The following ATF7IP variants were observed in gnomAD, a reference collection of about 807,000 sequenced individuals.
ATF7IP encodes the protein activating transcription factor 7 interacting protein, also known as activating transcription factor 7-interacting protein 1.
A neutral mutation model predicts 106.4 loss-of-function variants in ATF7IP; 23 were observed. That is an observed-to-expected ratio of 0.22 (90% confidence interval 0.16 to 0.31). ATF7IP has a LOEUF of 0.31. Ranked by LOEUF, ATF7IP falls within the 10% of genes least tolerant of loss-of-function variation. ATF7IP has a pLI of 1.00. For missense variants in ATF7IP, 1,334 were observed against 1,524.3 expected (o/e 0.88, Z 2.08); for synonymous variants, 542 against 539.0 (o/e 1.01, Z -0.08).
rs190257810 is a variant in ATF7IP at position 14,431,640 on chromosome 12, C to T, written c.1559-2697C>T. 6.4e-3 allele frequency among the ~76,000 whole-genome samples: 977 copies of T among 152,100 alleles called. 8 individuals carry two copies. Among genetic ancestry groups the T allele is most frequent in the African/African-American group, 0.023 (935 of 41,500 alleles). ...CGATCTCCTGACCTTGTGATCCGCC[C>T]GCCTCGGCCTCCCAAAGTGCTGGGA... On this transcript the variant is annotated intron_variant, in intron 2 of 14. Coordinates refer to ENST00000261168, the MANE Select transcript of ATF7IP (RefSeq NM_018179.5).
intron 1 of ATF7IP, among the ~76,000 whole-genome samples, chr12:14,366,675 A>G (rs562426027): frequency 1.8e-3 from 277 of 152,266 alleles, no homozygotes; most frequent in African/African-American, 6.6e-3. Flanking sequence ...CTTCAGCTAG[A>G]TTATTGTTAC....
chr12:14,416,230 T>TG lies in ATF7IP; in HGVS notation c.-7-7678dup, dbSNP rs1479597535. On this transcript the variant is annotated intron_variant, in intron 1 of 14. Coordinates refer to ENST00000261168, the MANE Select transcript of ATF7IP (RefSeq NM_018179.5). ...TTCTTAAAGAATCTAATAGCAGAGT[T>TG]GCATTTCTAAAGAGGTTAGAAATTA... 3.9e-5 allele frequency among the ~76,000 whole-genome samples: 6 copies of TG among 151,980 alleles called. 1 individual carries two copies. Among genetic ancestry groups the TG allele is most frequent in the African/African-American group, 1.4e-4 (6 of 41,440 alleles).
At chr12:14,494,708 A>C (rs1246725027) in intron 13 of ATF7IP, among the ~76,000 whole-genome samples, 1 of 151,262 alleles carries the variant, frequency 6.6e-6, no homozygotes, top group Non-Finnish European at 1.5e-5. Context: ...CAAGGCAGGC[A>C]GATCACTTGA....
intron 1 of ATF7IP, among the ~76,000 whole-genome samples, chr12:14,420,728 T>C (rs1941464601): frequency 6.6e-6 from 1 of 152,244 alleles, no homozygotes. Flanking sequence ...GACTTGAATG[T>C]TCTCTGAGTT....
At chr12:14,402,009 G>C (rs984631594) in intron 1 of ATF7IP, among the ~76,000 whole-genome samples, 1 of 151,580 alleles carries the variant, frequency 6.6e-6, no homozygotes, top group African/African-American at 2.4e-5. Flanking sequence ...ACCGCGCCTG[G>C]CCTCAGAGTA....
intron 1 of ATF7IP, among the ~76,000 whole-genome samples, chr12:14,403,941 T>G (rs1370302353): frequency 6.6e-6 from 1 of 152,212 alleles, no homozygotes; most frequent in African/African-American, 2.4e-5. Flanking sequence ...AATAGGGTTA[T>G]GAGCAGAAGT....
chr12:14,409,095 G>A (rs775374192), intron 1 of ATF7IP, among the ~76,000 whole-genome samples: 2 of 151,808 alleles, frequency 1.3e-5, no homozygotes, highest in Non-Finnish European at 1.5e-5. Flanking sequence ...CCTGAGATTT[G>A]ACAGAGATTA....
chr12:14,478,906 C>G (rs1944346959), intron 12 of ATF7IP, among the ~76,000 whole-genome samples: 1 of 152,108 alleles, frequency 6.6e-6, no homozygotes, highest in Non-Finnish European at 1.5e-5. Flanking sequence ...TTGATGCAGA[C>G]TTCTCTGAGC....
chr12:14,490,149 C>A (rs1944764376), intron 13 of ATF7IP, among the ~76,000 whole-genome samples: 1 of 152,204 alleles, frequency 6.6e-6, no homozygotes, highest in Admixed American at 6.5e-5. Flanking sequence ...TCCATTACTG[C>A]CACCATGGCT....
At chr12:14,496,796 T>C (rs982984783) in intron 14 of ATF7IP, among the ~76,000 whole-genome samples, 2 of 152,212 alleles carry the variant, frequency 1.3e-5, no homozygotes, top group African/African-American at 2.4e-5. Flanking sequence ...AGATTTCTCC[T>C]TAGATTTAGC....
At chr12:14,416,748 CCCTCATCT>C (rs2136519920) in intron 1 of ATF7IP, among the ~76,000 whole-genome samples, 1 of 152,290 alleles carries the variant, frequency 6.6e-6, no homozygotes, top group African/African-American at 2.4e-5. Context: ...AGAGCTCTTG[CCCTCATCT>C]TCTTCCCTTG....
intron 13 of ATF7IP, among the ~76,000 whole-genome samples, chr12:14,486,714 A>T (rs533109666): frequency 6.6e-6 from 1 of 152,284 alleles, no homozygotes; most frequent in East Asian, 1.9e-4. Flanking sequence ...TCTGCTGTCC[A>T]TTACGGTAGC....
intron 1 of ATF7IP, chr12:14,385,493 G>A (rs1591767908): frequency 5.0e-6 from 6 of 1,208,080 alleles, no homozygotes; most frequent in Non-Finnish European, 6.9e-6. Flanking sequence ...GGTGAACTTA[G>A]AGCTTGGTTT....
intron 1 of ATF7IP, among the ~76,000 whole-genome samples, chr12:14,377,392 G>A (rs2136403797): frequency 6.9e-6 from 1 of 144,552 alleles, no homozygotes; most frequent in African/African-American, 2.6e-5. Context: ...GTCTTGCTGT[G>A]TCGCCCAGGC....
chr12:14,385,492 A>C (rs1375362103), intron 1 of ATF7IP: 53 of 1,212,818 alleles, frequency 4.4e-5, no homozygotes, highest in Admixed American at 2.5e-4. Flanking sequence ...GGGTGAACTT[A>C]GAGCTTGGTT....
intron 13 of ATF7IP, among the ~76,000 whole-genome samples, chr12:14,494,321 ATATATATATAT>A (rs1944931844): frequency 1.1e-5 from 1 of 92,912 alleles, no homozygotes; most frequent in Non-Finnish European, 2.0e-5. Flanking sequence ...ATATATATAT[ATATATATATAT>A]ATGTGTGTGT....
At chr12:14,370,523 GA>G (rs929687592) in intron 1 of ATF7IP, among the ~76,000 whole-genome samples, 2 of 151,568 alleles carry the variant, frequency 1.3e-5, no homozygotes, top group East Asian at 1.9e-4. Flanking sequence ...GGTTAATTAA[GA>G]AAAAAAAGCC....
In ATF7IP at chr12:14,424,828, A is replaced by G. The variant is rs758639216; in HGVS notation, c.913A>G (p.Asn305Asp). The change falls in exon 2 of 15, where the codon AAT becomes GAT. Residue 305 changes from asparagine to aspartate, a missense_variant. Asn to Asp is a conservative substitution (Grantham distance 23). Transcript: ENST00000261168. ...PVCEPVPEIDNIEPSSNKDDD... is the reference protein window; with the variant it reads ...PVCEPVPEIDDIEPSSNKDDD... Reference sequence around the variant, plus strand: ...TTGTGAACCAGTTCCTGAAATTGACAATATAGAACCAAGTAGCAATAAAGA... The same window carrying G: ...TTGTGAACCAGTTCCTGAAATTGACGATATAGAACCAAGTAGCAATAAAGA... 6 of 1,613,882 alleles carry G rather than the reference A, an allele frequency of 3.7e-6. No individual in the cohort carries two copies. The highest frequency in any genetic ancestry group is 1.3e-5 in the African/African-American group (1 of 74,906).
At chr12:14,485,053 T>C (rs1002473894) in intron 13 of ATF7IP, among the ~76,000 whole-genome samples, 1 of 152,012 alleles carries the variant, frequency 6.6e-6, no homozygotes, top group Non-Finnish European at 1.5e-5. Context: ...TCCACTGTGA[T>C]TCATCTGTGG....
Sources: gnomAD v4.1 joint callset for allele counts (sites outside exome capture counted in the v4.1 genomes callset) on GRCh38, gnomAD v4.1.1 for gene constraint, MANE v1.5 for transcripts, NCBI Gene and HGNC (gene_info 2026-07-23, HGNC 2026-07-21) for gene names.